Variants in EXOC6 observed in about 807,000 individuals in gnomAD.
EXOC6 encodes the protein SEC15-like 1.
Under a neutral mutation model 112.5 loss-of-function variants are expected in EXOC6, and 60 were observed. The observed-to-expected ratio is 0.53, with a 90% CI of 0.43 to 0.66. The LOEUF (loss-of-function observed/expected upper bound fraction) is 0.66. Ranked by LOEUF, EXOC6 falls within the 30% of genes least tolerant of loss-of-function variation. EXOC6 has a pLI of 0.00. For missense variants in EXOC6, 855 were observed against 957.1 expected (o/e 0.89, Z 1.41); for synonymous variants, 295 against 308.0 (o/e 0.96, Z 0.44).
rs146131116 is a variant in EXOC6, at chr10:93,042,926, CTATTATTATTAT to C, written c.2170-13975_2170-13964del. Among the ~76,000 whole-genome samples, 117 of 143,732 alleles carry C rather than the reference CTATTATTATTAT, an allele frequency of 8.1e-4. 2 individuals carry two copies. In the Middle Eastern group the frequency reaches 0.011, roughly 13 times the overall value. 94.3% of individuals were successfully genotyped at this position (143,732 alleles called of 152,430 possible). A position where few individuals can be genotyped will look rare whatever the true frequency, so the allele number is the denominator to read the frequency against. On this transcript the variant is annotated intron_variant, in intron 20 of 21. Transcript: ENST00000260762. ...CCATAATCAAATATCAGATATTTTA[CTATTATTATTAT>C]TATTATTATTATTATTATTATTTTT... is the stretch of plus-strand genomic sequence containing the variant.
intron 14 of EXOC6, among the ~76,000 whole-genome samples, 194 bp downstream of exon 14, chr10:92,948,573 CACTACTACTACTACTACTACT>C (rs71028860): frequency 7.1e-6 from 1 of 140,174 alleles, no homozygotes; most frequent in African/African-American, 2.7e-5. Context: ...CTACTACTAC[CACTACTACTACTACTACTACT>C]ACTACTACTA....
chr10:92,993,302 G>A (rs1436742076), intron 18 of EXOC6, among the ~76,000 whole-genome samples: 1 of 151,956 alleles, frequency 6.6e-6, no homozygotes, highest in Non-Finnish European at 1.5e-5. Flanking sequence ...AACCTTTTGT[G>A]GGAATATAAA....
chr10:93,030,789 G>A (rs1845235687), intron 20 of EXOC6, among the ~76,000 whole-genome samples: 1 of 152,150 alleles, frequency 6.6e-6, no homozygotes, highest in Non-Finnish European at 1.5e-5. Flanking sequence ...AGATGTTTTA[G>A]TAAAATGATC....
intron 20 of EXOC6, among the ~76,000 whole-genome samples, chr10:93,027,681 A>C (rs1324363714): frequency 2.6e-5 from 4 of 152,204 alleles, no homozygotes; most frequent in African/African-American, 9.6e-5. Flanking sequence ...TATTTATAGC[A>C]TGGTTTGTTG....
chr10:92,901,930 C>G (rs1234716642), intron 5 of EXOC6: 1 of 151,772 alleles, frequency 6.6e-6, no homozygotes, highest in Non-Finnish European at 1.5e-5. Flanking sequence ...GCAGGAGGAT[C>G]TCTTGAGACA....
chr10:93,057,819 A>G (rs1846616350), intron 21 of EXOC6, among the ~76,000 whole-genome samples: 1 of 152,168 alleles, frequency 6.6e-6, no homozygotes, highest in Non-Finnish European at 1.5e-5. Flanking sequence ...AATGCCATGA[A>G]ATGCAACTGA....
chr10:92,964,854 T>C (rs367852489), intron 17 of EXOC6, among the ~76,000 whole-genome samples: 1 of 152,160 alleles, frequency 6.6e-6, no homozygotes, highest in Non-Finnish European at 1.5e-5. Flanking sequence ...AGACTACTTA[T>C]AGTGGCCCAG....
At chr10:92,912,328 T>C (rs1396664430) in intron 6 of EXOC6, among the ~76,000 whole-genome samples, 3 of 152,138 alleles carry the variant, frequency 2.0e-5, no homozygotes, top group Admixed American at 1.3e-4. Flanking sequence ...CGGGGCTCTC[T>C]ATTTGTTCCC....
chr10:92,937,667 G>C (rs896396451), intron 12 of EXOC6, among the ~76,000 whole-genome samples: 4 of 152,062 alleles, frequency 2.6e-5, no homozygotes, highest in African/African-American at 9.7e-5. Flanking sequence ...GTATAATACT[G>C]ATCTCGCTGC....
intron 20 of EXOC6, among the ~76,000 whole-genome samples, chr10:93,015,363 A>G (rs561102633): frequency 6.6e-6 from 1 of 152,386 alleles, no homozygotes; most frequent in East Asian, 1.9e-4. Flanking sequence ...TGAAATAAAT[A>G]TAAAAGTAAT....
At chr10:92,936,304 T>A (rs1242706756) in intron 12 of EXOC6, among the ~76,000 whole-genome samples, 1 of 152,240 alleles carries the variant, frequency 6.6e-6, no homozygotes, top group East Asian at 1.9e-4. Flanking sequence ...GCAGGTTCTT[T>A]AAGCTTTAGA....
At chr10:92,827,999 G>A (rs1282890343) in intron 1 of EXOC6, among the ~76,000 whole-genome samples, 1 of 152,092 alleles carries the variant, frequency 6.6e-6, no homozygotes, top group East Asian at 1.9e-4. Context: ...GATATTTGAC[G>A]TATTTTGCTG....
chr10:92,938,585 G>A (rs1163219097), intron 12 of EXOC6, among the ~76,000 whole-genome samples: 5 of 152,030 alleles, frequency 3.3e-5, no homozygotes, highest in Non-Finnish European at 5.9e-5. Flanking sequence ...AGTAATACCA[G>A]CATATTTATA....
At chr10:93,007,981 C>T (rs1844072609) in intron 19 of EXOC6, among the ~76,000 whole-genome samples, 1 of 152,134 alleles carries the variant, frequency 6.6e-6, no homozygotes, top group Non-Finnish European at 1.5e-5. Context: ...TGAGACTAGC[C>T]TGGGCAGCAT....
chr10:92,913,564 A>G (rs1313203867), intron 6 of EXOC6, among the ~76,000 whole-genome samples: 1 of 152,072 alleles, frequency 6.6e-6, no homozygotes, highest in East Asian at 1.9e-4. Context: ...ATTCTTTCAC[A>G]TTTCTCGGTC....
intron 17 of EXOC6, among the ~76,000 whole-genome samples, chr10:92,964,246 T>TA (rs145698631): frequency 0.011 from 1,616 of 151,752 alleles, 32 homozygotes; most frequent in African/African-American, 0.037. Flanking sequence ...TATATATTTT[T>TA]AAAAAATTAT....
At chr10:92,869,081 A>C (rs778311184) in intron 1 of EXOC6, among the ~76,000 whole-genome samples, 4 of 152,014 alleles carry the variant, frequency 2.6e-5, no homozygotes, top group Non-Finnish European at 5.9e-5. Flanking sequence ...AAGTTTGTTG[A>C]ATTTTGTCAG....
intron 19 of EXOC6, 118 bp downstream of exon 19, chr10:92,997,733 C>T: frequency 1.2e-6 from 1 of 814,408 alleles, no homozygotes; most frequent in Non-Finnish European, 1.7e-6. Flanking sequence ...TTCAGCTAAA[C>T]TTTTAGCAGC....
At chr10:92,926,289 A>G (rs1460871251) in intron 8 of EXOC6, among the ~76,000 whole-genome samples, 2 of 152,038 alleles carry the variant, frequency 1.3e-5, no homozygotes, top group Non-Finnish European at 2.9e-5. Context: ...CATAACACCT[A>G]AAGCCTTATA....
Sources: gnomAD v4.1 joint callset for allele counts (sites outside exome capture counted in the v4.1 genomes callset) on GRCh38, gnomAD v4.1.1 for gene constraint, MANE v1.5 for transcripts, NCBI Gene and HGNC (gene_info 2026-07-23, HGNC 2026-07-21) for gene names.